Variants in PAK3 observed in about 807,000 individuals in gnomAD.
PAK3 encodes serine/threonine-protein kinase PAK 3.
Under a neutral mutation model 41.0 loss-of-function variants are expected in PAK3, and 4 were observed. That is an observed-to-expected ratio of 0.10 (90% CI 0.05 to 0.22). The LOEUF (loss-of-function observed/expected upper bound fraction) is 0.22. Ranked by LOEUF, PAK3 falls within the 10% of genes least tolerant of loss-of-function variation. The probability of loss-of-function intolerance (pLI) is 1.00; values close to 1 mark genes in which losing one functional copy is unlikely to be tolerated. For missense variants in PAK3, 205 were observed against 409.9 expected, an observed-to-expected ratio of 0.50 and a Z score of 4.32; for synonymous variants, 146 against 139.6, an observed-to-expected ratio of 1.05 and a Z score of -0.32.
chrX:110,993,470 A>G (rs1174234447), intron 1 of PAK3, among the ~76,000 whole-genome samples: 1 of 111,797 alleles, frequency 8.9e-6, no homozygotes, highest in Non-Finnish European at 1.9e-5. Context: ...GGTTTGAGTC[A>G]TCTTAAAACA....
At chrX:111,143,331 A>G (rs2093899369) in intron 6 of PAK3, among the ~76,000 whole-genome samples, 1 of 111,620 alleles carries the variant, frequency 9.0e-6, no homozygotes, top group African/African-American at 3.2e-5. Flanking sequence ...TTGACAGTCA[A>G]ATTATCTTAT....
chrX:110,981,950 T>G (rs1327709705), intron 1 of PAK3, among the ~76,000 whole-genome samples: 4 of 111,083 alleles, frequency 3.6e-5, no homozygotes, highest in Non-Finnish European at 7.5e-5. Flanking sequence ...AGAGAAGAGT[T>G]GGGGATGATT....
At chrX:111,214,318 T>A (rs111840546) in intron 16 of PAK3, among the ~76,000 whole-genome samples, 1,156 of 111,624 alleles carry the variant, frequency 0.01, 12 homozygotes, top group Middle Eastern at 0.037. Flanking sequence ...GGTTGTAAAT[T>A]GGAATCACCT....
In PAK3 at chrX:111,163,134, C is replaced by G. The variant is rs967300044; in HGVS notation, c.600+88C>G. 10 of 906,173 alleles carry G rather than the reference C, an allele frequency of 1.1e-5. No individual in the cohort carries two copies. In the African/African-American group the frequency reaches 1.8e-4, roughly 16 times the overall value. 74.7% of individuals were successfully genotyped at this position (906,173 alleles called of 1,213,427 possible). On this transcript the variant is annotated intron_variant, in intron 9 of 17. Transcript: ENST00000372007. ...TAGAATATAGTTAATCAGCTAGTAC[C>G]TATTAAGCATCTTTTATGTTCCAAG...
intron 1 of PAK3, among the ~76,000 whole-genome samples, chrX:111,051,280 T>C (rs1196305073): frequency 8.9e-6 from 1 of 111,923 alleles, no homozygotes; most frequent in Non-Finnish European, 1.9e-5. Flanking sequence ...ACCTCTACAA[T>C]AAATATTTGT....
intron 1 of PAK3, among the ~76,000 whole-genome samples, chrX:111,039,120 T>A (rs189895110): frequency 8.9e-6 from 1 of 112,521 alleles, no homozygotes; most frequent in East Asian, 2.8e-4. Context: ...TTTACACTTA[T>A]GTTTTCTTGG....
At chrX:111,126,916 T>C (rs1230287345) in intron 5 of PAK3, among the ~76,000 whole-genome samples, 2 of 111,464 alleles carry the variant, frequency 1.8e-5, no homozygotes, top group East Asian at 5.6e-4. Context: ...TTTTTCTTCT[T>C]AGTACCTCTT....
At chrX:111,048,358 T>A (rs2092521152) in intron 1 of PAK3, among the ~76,000 whole-genome samples, 1 of 111,373 alleles carries the variant, frequency 9.0e-6, no homozygotes, top group Admixed American at 9.5e-5. Flanking sequence ...GTTCCATACT[T>A]TAAAAAAAGT....
intron 1 of PAK3, among the ~76,000 whole-genome samples, chrX:110,972,655 C>T (rs1389124825): frequency 8.9e-6 from 1 of 111,791 alleles, no homozygotes; most frequent in Non-Finnish European, 1.9e-5. Context: ...TGCCTCTTCT[C>T]CTGCAAAGGT....
chrX:111,145,040 G>A, intron 6 of PAK3: 1 of 452,109 alleles, frequency 2.2e-6, no homozygotes, highest in Non-Finnish European at 4.0e-6. Flanking sequence ...CTTCTAGTTG[G>A]TATCCTATAC....
intron 5 of PAK3, among the ~76,000 whole-genome samples, chrX:111,127,758 T>G (rs1013112126): frequency 3.6e-5 from 4 of 111,597 alleles, no homozygotes; most frequent in Non-Finnish European, 7.5e-5. Context: ...ACGGTATGTA[T>G]GCACTTTGTA....
Position 111,192,546 on chromosome X carries a change from A to G in PAK3, c.920A>G (p.Lys307Arg). ...ATGAACCTTCAACAGCAACCCAAGA[A>G]GGAATTAATTATTAATGAAATTCTG... ...KQMNLQQQPKKELIINEILVM... is the reference protein window; with the variant it reads ...KQMNLQQQPKRELIINEILVM... Residue 307 changes from lysine (K) to arginine (R), a missense_variant, in exon 13 of 18, where the codon AAG becomes AGG. Lys to Arg is a conservative substitution (Grantham distance 26). This residue lies in a region of PAK3 where 42 missense variants were observed against 152.7 expected (regional missense o/e 0.28). Transcript: ENST00000372007. The G allele has an allele frequency of 8.5e-7, 1 of 1,173,452 alleles. No homozygotes were observed. Among genetic ancestry groups the G allele is most frequent in the Non-Finnish European group, 1.2e-6 (1 of 860,768 alleles).
rs113336436 is a variant in PAK3 at position 111,147,428 on chromosome X, C to T, written c.277-309C>T. On this transcript the variant is annotated intron_variant, in intron 6 of 17. Coordinates refer to ENST00000372007, the MANE Select transcript of PAK3 (RefSeq NM_002578.5). ...TCGCCAGAAAAAAAATAAGCTAAGCCGTAAACATCATTTCATGGATGAGCA... is the reference window on the plus strand; with the variant it reads ...TCGCCAGAAAAAAAATAAGCTAAGCTGTAAACATCATTTCATGGATGAGCA... Among the ~76,000 whole-genome samples the T allele has an allele frequency of 2.7e-3, 299 of 110,602 alleles. 1 individual carries two copies. The highest frequency in any genetic ancestry group is 9.3e-3 in the African/African-American group (284 of 30,486).
At chrX:111,172,275 G>A (rs1253089626) in intron 10 of PAK3, among the ~76,000 whole-genome samples, 1 of 112,017 alleles carries the variant, frequency 8.9e-6, no homozygotes. Context: ...TGATCGGTCT[G>A]TAGTGTTAAC....
chrX:110,956,640 A>G (rs1274251749), intron 1 of PAK3, among the ~76,000 whole-genome samples: 1 of 111,518 alleles, frequency 9.0e-6, no homozygotes, highest in Non-Finnish European at 1.9e-5. Flanking sequence ...CCAAAATGGG[A>G]ACAAAGCAGA....
intron 1 of PAK3, among the ~76,000 whole-genome samples, chrX:110,982,356 G>A (rs1024852300): frequency 8.9e-6 from 1 of 112,215 alleles, no homozygotes; most frequent in Non-Finnish European, 1.9e-5. Context: ...CGCTGAACAA[G>A]TGCCTAAACC....
At chrX:111,017,807 T>G (rs943539897) in intron 1 of PAK3, among the ~76,000 whole-genome samples, 1 of 111,830 alleles carries the variant, frequency 8.9e-6, no homozygotes, top group Non-Finnish European at 1.9e-5. Context: ...CCAATATACC[T>G]TATGAATATT....
intron 1 of PAK3, among the ~76,000 whole-genome samples, chrX:111,074,802 G>A: frequency 8.9e-6 from 1 of 112,037 alleles, no homozygotes; most frequent in East Asian, 2.8e-4. Flanking sequence ...TGGAGATGTG[G>A]GTAGTGAAGT....
intron 1 of PAK3, among the ~76,000 whole-genome samples, chrX:111,041,597 G>A (rs1297121993): frequency 9.0e-6 from 1 of 111,155 alleles, no homozygotes; most frequent in Non-Finnish European, 1.9e-5. Context: ...CTCCCTCACT[G>A]TACCCCCTGT....
Sources: allele counts gnomAD v4.1 joint callset (sites outside exome capture counted in the v4.1 genomes callset), GRCh38; gene constraint gnomAD v4.1.1; regional missense constraint gnomAD v4.1.1; transcripts MANE v1.5; gene names NCBI Gene and HGNC (gene_info 2026-07-23, HGNC 2026-07-21).